Variants in RBM6 observed in about 807,000 individuals in gnomAD.
RBM6 encodes RNA binding motif protein 6, also known as RNA-binding protein 6.
In RBM6, 23 loss-of-function variants were observed where a neutral mutation model predicts 140.4. That is an observed-to-expected ratio of 0.16 (90% CI 0.12 to 0.23). The LOEUF (loss-of-function observed/expected upper bound fraction) is 0.23, where lower values mean the gene tolerates loss of function less well. Among genes scored for constraint, RBM6 ranks in the 10% least tolerant of loss-of-function variants. The pLI, the probability that RBM6 is intolerant of heterozygous loss-of-function variation, is 1.00. For missense variants in RBM6, 1,139 were observed against 1,386.7 expected, an observed-to-expected ratio of 0.82 and a Z score of 2.84; for synonymous variants, 439 against 475.6, an observed-to-expected ratio of 0.92 and a Z score of 1.00.
At chr3:50,058,337 T>C in intron 9 of RBM6, 65 bp from the exon 10 acceptor site, 1 of 1,508,598 alleles carries the variant, frequency 6.6e-7, no homozygotes, top group Non-Finnish European at 9.2e-7. Flanking sequence ...GTCAGATTCT[T>C]GGGACTTCAA....
intron 6 of RBM6, among the ~76,000 whole-genome samples, chr3:50,038,036 G>A (rs1406008700): frequency 6.6e-6 from 1 of 151,966 alleles, no homozygotes; most frequent in Non-Finnish European, 1.5e-5. Context: ...TGGCCAGGCT[G>A]GTCTTGAACT....
At chr3:49,995,970 G>T (rs577849620) in intron 5 of RBM6, among the ~76,000 whole-genome samples, 1 of 152,244 alleles carries the variant, frequency 6.6e-6, no homozygotes, top group Non-Finnish European at 1.5e-5. Flanking sequence ...GTATACAGTT[G>T]TGTTGCATTA....
At chr3:50,000,560 A>G (rs1559569469) in intron 6 of RBM6, among the ~76,000 whole-genome samples, 3 of 151,752 alleles carry the variant, frequency 2.0e-5, no homozygotes, top group African/African-American at 7.3e-5. Context: ...AGCTGGGATT[A>G]CAGGCATGCG....
intron 16 of RBM6, chr3:50,065,781 T>C (rs921173980): frequency 2.5e-6 from 1 of 393,124 alleles, no homozygotes; most frequent in African/African-American, 2.1e-5. Flanking sequence ...GTCTTAACCA[T>C]GCTTTGCCTT....
rs565532892 is a variant in RBM6, at chr3:50,007,375, C to T, written c.1557+7862C>T. Among the ~76,000 whole-genome samples the T allele has an allele frequency of 2.5e-4, 38 of 151,200 alleles. 1 individual carries two copies. The highest frequency in any genetic ancestry group is 3.4e-3 in the Middle Eastern group (1 of 292). On this transcript the variant is annotated intron_variant, in intron 6 of 20. Coordinates refer to ENST00000266022, the MANE Select transcript of RBM6 (RefSeq NM_005777.3). ...GGCTAATTTTGTATTTTTGTAGAGA[C>T]GGGGTTTTGCCATATTGCCCAGGCT...
At chr3:50,022,335 C>CT (rs796974994) in intron 6 of RBM6, among the ~76,000 whole-genome samples, 3,237 of 143,544 alleles carry the variant, frequency 0.023, 140 homozygotes, top group African/African-American at 0.077. Context: ...TTTCTTCTTT[C>CT]TTTTTTTTTT....
Position 50,061,477 on chromosome 3 carries a change from A to T in RBM6, c.2369A>T (p.Tyr790Phe). The change falls in exon 14 of 21, where the codon TAC becomes TTC. Residue 790 changes from tyrosine (Y) to phenylalanine (F), a missense_variant. Physicochemically the swap from Tyr to Phe is conservative, Grantham distance 22 (BLOSUM62 3). Coordinates refer to ENST00000266022, the MANE Select transcript of RBM6 (RefSeq NM_005777.3). ...TTACCTTTAGCATCATCTGACTGCT[A>T]CATATATGATTCTGCTACTGGCTAC... is the stretch of plus-strand genomic sequence containing the variant. The part of the protein sequence containing the change: ...RQGQQSSSDC[Y>F]IYDSATGYYY... 6.2e-7 allele frequency: 1 copy of T among 1,607,490 alleles called. No homozygotes were observed.
Position 50,057,670 on chromosome 3 carries a change from C to CTT in RBM6, c.1694-44_1694-43dup, listed in dbSNP as rs139056065. 1.0e-3 allele frequency: 1,252 copies of CTT among 1,236,766 alleles called. 1 individual carries two copies. The highest frequency in any genetic ancestry group is 5.4e-3 in the East Asian group (209 of 39,044). The allele number at this position is 1,236,766 out of a possible 1,614,324, so 76.6% of individuals were successfully genotyped here. On this transcript the variant is annotated intron_variant, in intron 8 of 20. Coordinates refer to ENST00000266022, the MANE Select transcript of RBM6 (RefSeq NM_005777.3). Reference sequence around the variant, plus strand: ...AGAAATTACAGTAGCAGTGTTTTTTCTTTTTTTTTTTTTTTGATAAAGCTT... The same window carrying CTT: ...AGAAATTACAGTAGCAGTGTTTTTTCTTTTTTTTTTTTTTTTTGATAAAGCTT...
At position 49,967,360 on chromosome 3, in the gene RBM6, CAAAA is replaced by C. The variant is rs377257427; in HGVS notation, c.45-103_45-100del. On this transcript the variant is annotated intron_variant, in intron 2 of 20. Coordinates refer to ENST00000266022, the MANE Select transcript of RBM6 (RefSeq NM_005777.3). This position sits in a 1 kb window ranked among gnomAD's most constrained non-coding sequence, Gnocchi z 4.0. The stretch of plus-strand genomic sequence containing the variant: ...CTAGGACCTTGTTACAGAACTCTGC[CAAAA>C]AAAAAATGTTTACAGAAGAATGTGC... 16 of 1,327,832 alleles carry C rather than the reference CAAAA, an allele frequency of 1.2e-5. No individual in the cohort carries two copies. The highest frequency in any genetic ancestry group is 1.6e-5 in the Non-Finnish European group (16 of 1,008,222). 82.3% of individuals were successfully genotyped at this position (1,327,832 alleles called of 1,614,324 possible).
chr3:49,984,439 C>T (rs1021418825), intron 5 of RBM6, among the ~76,000 whole-genome samples: 1 of 152,182 alleles, frequency 6.6e-6, no homozygotes, highest in Non-Finnish European at 1.5e-5. Flanking sequence ...AAACTCCCAT[C>T]TCTACTAAAA....
intron 6 of RBM6, among the ~76,000 whole-genome samples, chr3:50,023,590 G>A (rs2087632459): frequency 6.6e-6 from 1 of 151,876 alleles, no homozygotes; most frequent in Admixed American, 6.6e-5. Context: ...GTTTTAAAAG[G>A]AGGTGAATTT....
intron 1 of RBM6, among the ~76,000 whole-genome samples, chr3:49,958,071 T>G (rs542969631): frequency 1.3e-5 from 2 of 152,222 alleles, no homozygotes; most frequent in South Asian, 4.1e-4. Flanking sequence ...ACCTCAGGTG[T>G]GAGCCACCGC....
At chr3:50,032,995 A>T (rs568017349) in intron 6 of RBM6, among the ~76,000 whole-genome samples, 91 of 151,650 alleles carry the variant, frequency 6.0e-4, no homozygotes, top group Non-Finnish European at 1.1e-3. Flanking sequence ...CAAAAAAAAA[A>T]GAAAAAGAAA....
chr3:50,054,875 G>A (rs1298877178), intron 8 of RBM6, among the ~76,000 whole-genome samples: 1 of 152,098 alleles, frequency 6.6e-6, no homozygotes, highest in Non-Finnish European at 1.5e-5. Flanking sequence ...CCAGGCTGGA[G>A]TGCAGTGGCG....
At chr3:49,942,849 A>G (rs1311257178) in intron 1 of RBM6, among the ~76,000 whole-genome samples, 3 of 152,192 alleles carry the variant, frequency 2.0e-5, no homozygotes, top group African/African-American at 7.2e-5. Flanking sequence ...CTGCACAGCC[A>G]GACTCCATCT....
chr3:49,961,520 G>T (rs1404170175), intron 1 of RBM6, among the ~76,000 whole-genome samples: 1 of 151,716 alleles, frequency 6.6e-6, no homozygotes, highest in East Asian at 2.0e-4. Context: ...TATTTTTCTG[G>T]CCGGGCACGG....
intron 1 of RBM6, among the ~76,000 whole-genome samples, chr3:49,958,801 T>TG (rs71080564): frequency 6.8e-6 from 1 of 147,650 alleles, no homozygotes; most frequent in Non-Finnish European, 1.5e-5. Flanking sequence ...TTTTTTTTTT[T>TG]GTAAAAATGG....
At chr3:50,033,554 A>T (rs2088310796) in intron 6 of RBM6, among the ~76,000 whole-genome samples, 1 of 152,222 alleles carries the variant, frequency 6.6e-6, no homozygotes, top group Non-Finnish European at 1.5e-5. Context: ...ATGTAAGTAT[A>T]TGAAGTTTGA....
In RBM6 at chr3:50,075,303, C is replaced by T; in HGVS notation, c.3219C>T (p.Gly1073=). ...GWRKGTGLGY[G]HPGLASSEEA... The stretch of plus-strand genomic sequence containing the variant: ...GGAAAGGGACAGGCCTGGGATATGG[C>T]CATCCTGGATTGGCTTCATCAGAGG... The change falls in exon 20 of 21, where the codon GGC becomes GGT. Residue 1073 remains glycine, a synonymous_variant. Transcript: ENST00000266022. 1.2e-6 allele frequency: 2 copies of T among 1,613,862 alleles called. No individual in the cohort carries two copies. Among genetic ancestry groups the T allele is most frequent in the Non-Finnish European group, 1.7e-6 (2 of 1,179,896 alleles).
Sources: allele counts gnomAD v4.1 joint callset (sites outside exome capture counted in the v4.1 genomes callset), GRCh38; gene constraint gnomAD v4.1.1; non-coding constraint Gnocchi (gnomAD v3.1); transcripts MANE v1.5; gene names NCBI Gene and HGNC (gene_info 2026-07-23, HGNC 2026-07-21).